The following SHROOM4 variants were observed in gnomAD, a reference collection of about 807,000 sequenced individuals.
SHROOM4 encodes the protein protein Shroom4.
In SHROOM4, 17 loss-of-function variants were observed where a neutral mutation model predicts 80.3. The ratio of observed to expected loss-of-function variants is 0.21; its 90% confidence interval spans 0.14 to 0.32. The LOEUF is 0.32. Ranked by LOEUF, SHROOM4 falls within the 10% of genes least tolerant of loss-of-function variation. The pLI is 1.00. For missense variants in SHROOM4, 993 were observed against 1,140.3 expected, an observed-to-expected ratio of 0.87 and a Z score of 1.86; for synonymous variants, 400 against 437.5, an observed-to-expected ratio of 0.91 and a Z score of 1.07.
chrX:50,801,733 G>C (rs1936127084), intron 1 of SHROOM4, among the ~76,000 whole-genome samples: 1 of 111,942 alleles, frequency 8.9e-6, no homozygotes, highest in South Asian at 3.8e-4. Flanking sequence ...AGGGAAGTTA[G>C]CAAGCAGGCG....
At chrX:50,748,494 T>C (rs1557267818) in intron 1 of SHROOM4, among the ~76,000 whole-genome samples, 2 of 109,024 alleles carry the variant, frequency 1.8e-5, no homozygotes, top group African/African-American at 7.1e-5. Context: ...AATAATCTAC[T>C]AAAAAACATA....
intron 1 of SHROOM4, among the ~76,000 whole-genome samples, chrX:50,701,698 G>A (rs1260279004): frequency 9.0e-6 from 1 of 111,104 alleles, no homozygotes; most frequent in African/African-American, 3.3e-5. Flanking sequence ...GTGTATACTG[G>A]GGACACATAC....
At chrX:50,661,442 C>T (rs1557259970) in intron 2 of SHROOM4, among the ~76,000 whole-genome samples, 2 of 111,706 alleles carry the variant, frequency 1.8e-5, no homozygotes, top group Non-Finnish European at 3.8e-5. Context: ...GGGTAATCTG[C>T]CCGCCTCGGC....
In SHROOM4 at chrX:50,741,925, TTTATATGTTA is replaced by T. The variant is rs781996780; in HGVS notation, c.118-45998_118-45989del. Among the ~76,000 whole-genome samples the T allele has an allele frequency of 4.7e-3, 527 of 111,579 alleles. 4 individuals carry two copies. Among genetic ancestry groups the T allele is most frequent in the African/African-American group, 0.016 (502 of 30,843 alleles). On this transcript the variant is annotated intron_variant, in intron 1 of 8. Coordinates refer to ENST00000376020, the MANE Select transcript of SHROOM4 (RefSeq NM_020717.5). The stretch of plus-strand genomic sequence containing the variant: ...GTGTTAAACCAAACTTTCAATCCTA[TTTATATGTTA>T]TAAACATATTTTATATGCTAATATA...
chrX:50,646,533 T>TGC (rs1279572775), intron 2 of SHROOM4, among the ~76,000 whole-genome samples: 3 of 77,960 alleles, frequency 3.8e-5, no homozygotes, highest in African/African-American at 2.1e-4. Flanking sequence ...GAAGAGTGTG[T>TGC]GTGTGTGTGT....
At chrX:50,691,110 T>C (rs930883727) in intron 2 of SHROOM4, among the ~76,000 whole-genome samples, 2 of 112,498 alleles carry the variant, frequency 1.8e-5, no homozygotes, top group Non-Finnish European at 3.8e-5. Flanking sequence ...TTTTCAAATC[T>C]TCTAAGTACT....
In SHROOM4 at chrX:50,641,599, C is replaced by A. The variant is rs376123949; in HGVS notation, c.270-3291G>T. On this transcript the variant is annotated intron_variant, in intron 2 of 8. Coordinates refer to ENST00000376020, the MANE Select transcript of SHROOM4 (RefSeq NM_020717.5). Reference sequence around the variant, plus strand: ...TTGCCACACTGTGAAACATACCTTACAAAGACTCTTACTATTTTTTTTTTT... The same window carrying A: ...TTGCCACACTGTGAAACATACCTTAAAAAGACTCTTACTATTTTTTTTTTT... Among the ~76,000 whole-genome samples the A allele has an allele frequency of 7.2e-5, 8 of 110,999 alleles. No homozygotes were observed. In the East Asian group the frequency reaches 2.3e-3, roughly 31 times the overall value.
chrX:50,747,294 A>G (rs990644502), intron 1 of SHROOM4, among the ~76,000 whole-genome samples: 12 of 111,877 alleles, frequency 1.1e-4, no homozygotes, highest in Non-Finnish European at 2.1e-4. Flanking sequence ...CTGTATTTTT[A>G]TTGCTTTTAT....
chrX:50,765,313 C>T (rs1282349129), intron 1 of SHROOM4, among the ~76,000 whole-genome samples: 1 of 112,170 alleles, frequency 8.9e-6, no homozygotes, highest in Non-Finnish European at 1.9e-5. Flanking sequence ...TAGGTGTATG[C>T]TCATATGAGT....
chrX:50,716,233 G>A (rs1309686429), intron 1 of SHROOM4, among the ~76,000 whole-genome samples: 1 of 109,979 alleles, frequency 9.1e-6, no homozygotes, highest in Non-Finnish European at 1.9e-5. Flanking sequence ...GGAAGATATT[G>A]GTCAAAGGAT....
chrX:50,805,584 G>A (rs1936210823), intron 1 of SHROOM4, among the ~76,000 whole-genome samples: 1 of 111,631 alleles, frequency 9.0e-6, no homozygotes, highest in Admixed American at 9.5e-5. Flanking sequence ...AGAAAGATAG[G>A]AAGTAGGAGT....
chrX:50,586,404 C>A (rs1036903715), downstream of SHROOM4, among the ~76,000 whole-genome samples: 4 of 111,716 alleles, frequency 3.6e-5, no homozygotes, highest in Non-Finnish European at 5.6e-5. Flanking sequence ...CATTAATTAT[C>A]CTTTTCAGAT....
In SHROOM4 at chrX:50,607,825, G is replaced by A. The variant is rs1487836605; in HGVS notation, c.3317C>T (p.Pro1106Leu). 2.5e-6 allele frequency: 3 copies of A among 1,209,422 alleles called. No individual in the cohort carries two copies. The highest frequency in any genetic ancestry group is 2.3e-4 in the Middle Eastern group (1 of 4,344). ...KKAFPPPRPP[P>L]PNWEKYRLFR... ...GAGCCTGTACTTCTCCCAGTTGGGA[G>A]GAGGAGGGCGAGGAGGAGGAAAGGC... Residue 1106 changes from proline to leucine, a missense_variant, in exon 6 of 9, where the codon CCT (proline) becomes CTT (leucine). Physicochemically the swap from Pro to Leu is moderately conservative, Grantham distance 98. Transcript: ENST00000376020.
chrX:50,806,675 C>A (rs889714242), intron 1 of SHROOM4, among the ~76,000 whole-genome samples: 7 of 112,003 alleles, frequency 6.2e-5, no homozygotes, highest in African/African-American at 2.0e-4. Context: ...ATCTTGATAC[C>A]GACATAACCA....
intron 1 of SHROOM4, among the ~76,000 whole-genome samples, chrX:50,778,984 T>C (rs1169001271): frequency 1.8e-5 from 2 of 111,992 alleles, no homozygotes; most frequent in Admixed American, 9.5e-5. Flanking sequence ...AGTAGAGAGA[T>C]GGGAAACTCT....
At chrX:50,800,922 G>A (rs782120365) in intron 1 of SHROOM4, among the ~76,000 whole-genome samples, 1 of 110,307 alleles carries the variant, frequency 9.1e-6, no homozygotes, top group Non-Finnish European at 1.9e-5. Flanking sequence ...GCTCTTGCAA[G>A]ATCCTCCTTC....
chrX:50,733,099 T>G (rs1284971478), intron 1 of SHROOM4, among the ~76,000 whole-genome samples: 1 of 112,234 alleles, frequency 8.9e-6, no homozygotes, highest in Non-Finnish European at 1.9e-5. Flanking sequence ...GATGCAGAGT[T>G]GGCTGAACAT....
At chrX:50,668,377 C>T (rs1932753980) in intron 2 of SHROOM4, among the ~76,000 whole-genome samples, 1 of 111,214 alleles carries the variant, frequency 9.0e-6, no homozygotes, top group African/African-American at 3.3e-5. Flanking sequence ...CTAGCAGAAA[C>T]AAGCAGCCTC....
At chrX:50,737,315 C>T (rs1934519363) in intron 1 of SHROOM4, among the ~76,000 whole-genome samples, 1 of 110,596 alleles carries the variant, frequency 9.0e-6, no homozygotes, top group Non-Finnish European at 1.9e-5. Context: ...ACAAAGTAGT[C>T]ATGACACATA....
Sources: gnomAD v4.1 joint callset for allele counts (sites outside exome capture counted in the v4.1 genomes callset) on GRCh38, gnomAD v4.1.1 for gene constraint, MANE v1.5 for transcripts, NCBI Gene and HGNC (gene_info 2026-07-23, HGNC 2026-07-21) for gene names.